The following PRKRA variants were observed in gnomAD, a reference collection of about 807,000 sequenced individuals.
PRKRA encodes protein activator of interferon induced protein kinase EIF2AK2.
PRKRA carries 22 observed loss-of-function variants against 32.4 expected under a neutral mutation model. The ratio of observed to expected loss-of-function variants is 0.68; its 90% CI spans 0.49 to 0.97. PRKRA has a LOEUF of 0.97. Among genes scored for constraint, PRKRA ranks in the 50% least tolerant of loss-of-function variants. The probability of loss-of-function intolerance (pLI) is 0.00; values close to 1 mark genes in which losing one functional copy is unlikely to be tolerated. For synonymous variants in PRKRA, 139 were observed against 129.8 expected (o/e 1.07, Z -0.48); for missense variants, 319 against 375.6 (o/e 0.85, Z 1.25).
At chr2:178,439,734 T>C (rs1006572353) in intron 6 of PRKRA, 4 of 152,292 alleles carry the variant, frequency 2.6e-5, no homozygotes, top group Admixed American at 6.5e-5. Context: ...TTGGTTTTTT[T>C]CCAAGTTTTT....
intron 3 of PRKRA, 106 bp downstream of exon 3, chr2:178,447,399 T>C: frequency 3.2e-6 from 5 of 1,571,542 alleles, no homozygotes; most frequent in Non-Finnish European, 4.3e-6. Context: ...AGAGGTAGGA[T>C]GCTAACAACT....
chr2:178,446,600 A>C (rs1697319127), intron 3 of PRKRA, among the ~76,000 whole-genome samples: 1 of 152,204 alleles, frequency 6.6e-6, no homozygotes, highest in Non-Finnish European at 1.5e-5. Context: ...ATCGTACTTC[A>C]GGCATATGTA....
At position 178,450,968 on chromosome 2, in the gene PRKRA, GA is replaced by G; in HGVS notation, c.62del (p.Phe21SerfsTer6). The G allele has an allele frequency of 6.4e-7, 1 of 1,560,406 alleles. No homozygotes were observed. Among genetic ancestry groups the G allele is most frequent in the Non-Finnish European group, 8.6e-7 (1 of 1,158,848 alleles). On this transcript the variant is annotated frameshift_variant, in exon 1 of 8. Coordinates refer to ENST00000325748, the MANE Select transcript of PRKRA (RefSeq NM_003690.5). LOFTEE classifies it high-confidence loss of function. ...PPLEREDSGT[F>X]SLGKMITAKP... The stretch of plus-strand genomic sequence containing the variant: ...GCCCTGACTGCCCGCACGCTGACCT[GA>G]AGGTCCCACTGTCCTCGCGCTCCAG...
intron 4 of PRKRA, 98 bp downstream of exon 4, chr2:178,444,324 C>A (rs1697233490): frequency 1.2e-6 from 1 of 834,356 alleles, no homozygotes; most frequent in African/African-American, 1.8e-5. Context: ...AAATATATCA[C>A]TATCTTGTCT....
At chr2:178,445,300 G>C (rs1697276541) in intron 3 of PRKRA, 1 of 152,132 alleles carries the variant, frequency 6.6e-6, no homozygotes. Context: ...GTACCACCTA[G>C]GCAACTGGAG....
In PRKRA at chr2:178,431,570, T is replaced by C. The variant is rs1230164949; in HGVS notation, c.*527A>G. The C allele has an allele frequency of 6.2e-6, 1 of 160,120 alleles. No homozygotes were observed. The highest frequency in any genetic ancestry group is 1.4e-5 in the Non-Finnish European group (1 of 72,098). 9.9% of individuals were successfully genotyped at this position (160,120 alleles called of 1,614,324 possible). ...GACAGTCAAGTCAGTAGCTTTTTAA[T>C]AAAATGAGCAGAATCCCATCGTAAC... On this transcript the variant is annotated 3_prime_UTR_variant, in exon 8 of 8. Coordinates refer to ENST00000325748, the MANE Select transcript of PRKRA (RefSeq NM_003690.5).
intron 2 of PRKRA, among the ~76,000 whole-genome samples, chr2:178,447,903 G>C (rs900054451): frequency 3.9e-5 from 6 of 152,250 alleles, no homozygotes; most frequent in Non-Finnish European, 8.8e-5. Flanking sequence ...TGGTAATAAA[G>C]TAGACCGTGT....
chr2:178,450,149 T>A, intron 2 of PRKRA, 93 bp downstream of exon 2: 1 of 1,256,554 alleles, frequency 8.0e-7, no homozygotes, highest in Non-Finnish European at 1.1e-6. Context: ...CTCACAGCTG[T>A]CTGGCAAAAA....
rs1019027772 is a variant in PRKRA, at chr2:178,450,834, C to G, written c.65+132G>C. ...TCGCCGCCGAGAGGGCGGGGCCGAG[C>G]ACCCACAGCCGCGGAGGCGTGGGCG... On this transcript the variant is annotated intron_variant, in intron 1 of 7. Coordinates refer to ENST00000325748, the MANE Select transcript of PRKRA (RefSeq NM_003690.5). 2.2e-6 allele frequency: 3 copies of G among 1,364,406 alleles called. No homozygotes were observed. The African/African-American group carries it at 4.6e-5, about 21-fold the overall frequency. 84.5% of individuals were successfully genotyped at this position (1,364,406 alleles called of 1,614,324 possible). A position where few individuals can be genotyped will look rare whatever the true frequency, so the allele number is the denominator to read the frequency against.
intron 6 of PRKRA, among the ~76,000 whole-genome samples, chr2:178,440,472 T>C (rs1228811698): frequency 1.3e-5 from 2 of 152,224 alleles, no homozygotes; most frequent in Non-Finnish European, 2.9e-5. Context: ...CTACTCGATA[T>C]ATTCACTTAG....
chr2:178,450,143 C>G (rs999201318), intron 2 of PRKRA, 99 bp downstream of exon 2: 5 of 1,237,568 alleles, frequency 4.0e-6, no homozygotes, highest in Middle Eastern at 2.1e-4. Flanking sequence ...CTGTTCCTCA[C>G]AGCTGTCTGG....
intron 6 of PRKRA, among the ~76,000 whole-genome samples, chr2:178,437,686 G>A (rs1251456281): frequency 1.3e-5 from 2 of 152,146 alleles, no homozygotes; most frequent in Non-Finnish European, 2.9e-5. Context: ...AACTGTCTTG[G>A]AGGGGGCTTG....
At chr2:178,438,752 C>G (rs1159050129) in intron 6 of PRKRA, 1 of 151,392 alleles carries the variant, frequency 6.6e-6, no homozygotes, top group Non-Finnish European at 1.5e-5. Flanking sequence ...GATCTCTGCT[C>G]ACTGCAAGCT....
chr2:178,441,602 T>C lies in PRKRA; in HGVS notation c.609+8A>G, dbSNP rs1346902290. On this transcript the variant is annotated splice_region_variant and intron_variant, in intron 6 of 7. Coordinates refer to ENST00000325748, the MANE Select transcript of PRKRA (RefSeq NM_003690.5). ...GACATTAACATCATAGCTGTCAACA[T>C]TACTCACTAAAGAAATGTGGTTCTC... 5.4e-6 allele frequency: 4 copies of C among 735,778 alleles called. No individual in the cohort carries two copies. The highest frequency in any genetic ancestry group is 1.1e-4 in the East Asian group (2 of 18,374). 45.6% of individuals were successfully genotyped at this position (735,778 alleles called of 1,614,324 possible). A position where few individuals can be genotyped will look rare whatever the true frequency, so the allele number is the denominator to read the frequency against.
chr2:178,450,510 G>A, intron 1 of PRKRA, 99 bp from the exon 2 acceptor site: 13 of 1,389,236 alleles, frequency 9.4e-6, no homozygotes, highest in Non-Finnish European at 1.2e-5. Context: ...TGACGAGGGA[G>A]GCGCCGAGTT....
At position 178,443,288 on chromosome 2, in the gene PRKRA, G is replaced by C; in HGVS notation, c.493C>G (p.Leu165Val). 1 of 1,607,014 alleles carries C rather than the reference G, an allele frequency of 6.2e-7. No homozygotes were observed. The highest frequency in any genetic ancestry group is 1.1e-5 in the South Asian group (1 of 90,874). Residue 165 changes from leucine (L) to valine (V), a missense_variant, in exon 5 of 8, where the codon CTA (leucine) becomes GTA (valine). Leu to Val is a conservative substitution (Grantham distance 32, BLOSUM62 1). Transcript: ENST00000325748. ...GTACCAGTTTCCATAAATGACTCTA[G>C]CCTGCAAATTGTAGTATATTCTCTC... ...HKREYTTICR[L>V]ESFMETGKGA... is the part of the protein sequence containing the mutation.
intron 6 of PRKRA, among the ~76,000 whole-genome samples, chr2:178,437,982 C>T (rs1696967813): frequency 6.6e-6 from 1 of 152,152 alleles, no homozygotes; most frequent in Non-Finnish European, 1.5e-5. Context: ...GGACTACAGG[C>T]ATGTGCTGCT....
intron 6 of PRKRA, among the ~76,000 whole-genome samples, chr2:178,436,741 T>C (rs1696913672): frequency 6.7e-6 from 1 of 150,360 alleles, no homozygotes; most frequent in Non-Finnish European, 1.5e-5. Flanking sequence ...CCAATCACTA[T>C]AACTGACAGC....
chr2:178,440,932 G>T (rs1016162850), intron 6 of PRKRA, among the ~76,000 whole-genome samples: 2 of 152,052 alleles, frequency 1.3e-5, no homozygotes, highest in Non-Finnish European at 2.9e-5. Context: ...TGGCCTCATT[G>T]AGACTCCCTC....
Sources: gnomAD v4.1 joint callset for allele counts (sites outside exome capture counted in the v4.1 genomes callset) on GRCh38, gnomAD v4.1.1 for gene constraint, MANE v1.5 for transcripts, NCBI Gene and HGNC (gene_info 2026-07-23, HGNC 2026-07-21) for gene names.